GSTM4: variants seen among roughly 807,000 people sequenced by gnomAD.
GSTM4 encodes glutathione S-transferase mu 4.
GSTM4 carries 27 observed loss-of-function variants against 30.1 expected under a neutral mutation model. That is an observed-to-expected ratio of 0.90 (90% CI 0.66 to 1.24). The LOEUF (loss-of-function observed/expected upper bound fraction) is 1.24, where lower values mean the gene tolerates loss of function less well. Among genes scored for constraint, GSTM4 ranks in the 50% most tolerant of loss-of-function variants. The pLI is 0.00. For missense variants in GSTM4, 238 were observed against 272.1 expected (o/e 0.87, Z 0.88); for synonymous variants, 94 against 96.2 (o/e 0.98, Z 0.13).
At chr1:109,663,004 A>G (rs921962887), downstream of GSTM4, among the ~76,000 whole-genome samples, 4 of 152,270 alleles carry the variant, frequency 2.6e-5, no homozygotes, top group African/African-American at 9.6e-5. Context: ...TGGTTTATCA[A>G]CATAATTCCA....
At position 109,656,362 on chromosome 1, in the gene GSTM4, G is replaced by T. The variant is rs1651980070; in HGVS notation, c.-28G>T. On this transcript the variant is annotated 5_prime_UTR_variant, in exon 1 of 8. Transcript: ENST00000369836. ...TCGCAGTTCAGCCCAGCTGAGGCCT[G>T]TCTGCAGAATCGACACCAACCAGCA... 1 of 1,612,986 alleles carries T rather than the reference G, an allele frequency of 6.2e-7. No homozygotes were observed. Among genetic ancestry groups the T allele is most frequent in the South Asian group, 1.1e-5 (1 of 91,070 alleles).
chr1:109,659,262 C>T (rs767344468), intron 7 of GSTM4, 152 bp downstream of exon 7: 162 of 1,603,170 alleles, frequency 1.0e-4, no homozygotes, highest in Non-Finnish European at 1.3e-4. Context: ...TTATACCTAT[C>T]GTGTGGAATT....
downstream of GSTM4, among the ~76,000 whole-genome samples, chr1:109,664,062 A>G (rs979200315): frequency 6.6e-6 from 1 of 152,184 alleles, no homozygotes; most frequent in African/African-American, 2.4e-5. Flanking sequence ...GAATCTGTAC[A>G]TGTTGGCAGT....
chr1:109,664,341 CTTTTTTTTTTTTTTTTTTTTT>C (rs77855995), downstream of GSTM4, among the ~76,000 whole-genome samples: 22 of 35,742 alleles, frequency 6.2e-4, no homozygotes, highest in Admixed American at 1.1e-3. Flanking sequence ...GAGAGAATAG[CTTTTTTTTTTTTTTTTTTTTT>C]TTTTTTTTTT....
intron 5 of GSTM4, 159 bp from the exon 6 acceptor site, chr1:109,658,655 A>G (rs1652148278): frequency 4.6e-6 from 3 of 656,730 alleles, no homozygotes; most frequent in African/African-American, 3.6e-5. Context: ...ACCCATTTGG[A>G]GTGTAATAAA....
chr1:109,666,610 T>C (rs1321749172), downstream of GSTM4, among the ~76,000 whole-genome samples: 1 of 152,256 alleles, frequency 6.6e-6, no homozygotes, highest in African/African-American at 2.4e-5. Flanking sequence ...AGATTGTCTC[T>C]AGGTCCTCCC....
chr1:109,657,385 T>G, intron 3 of GSTM4, 106 bp downstream of exon 3: 2 of 1,476,732 alleles, frequency 1.4e-6, no homozygotes, highest in Non-Finnish European at 1.9e-6. Flanking sequence ...TTCTGCCCAA[T>G]TCCTCTCACT....
At position 109,656,274 on chromosome 1, in the gene GSTM4, G is replaced by A. The variant is rs577126711; in HGVS notation, c.-116G>A. 1.1e-4 allele frequency: 113 copies of A among 1,007,794 alleles called. No homozygotes were observed. In the East Asian group the frequency reaches 1.5e-3, roughly 13 times the overall value. The allele number at this position is 1,007,794 out of a possible 1,614,324, so 62.4% of individuals were successfully genotyped here. ...GACCTTGAAGATCGGCGGGCGCAGC[G>A]GGGCCGAGGGGGCGGGTCTGGCGCT... On this transcript the variant is annotated 5_prime_UTR_variant, in exon 1 of 8. Transcript: ENST00000369836.
chr1:109,657,474 C>A, intron 3 of GSTM4, 116 bp from the exon 4 acceptor site: 1 of 1,502,454 alleles, frequency 6.7e-7, no homozygotes, highest in African/African-American at 1.4e-5. Flanking sequence ...CTATGTCAGG[C>A]CTGCCATGAG....
At chr1:109,663,379 C>T (rs561814469), downstream of GSTM4, among the ~76,000 whole-genome samples, 1 of 152,240 alleles carries the variant, frequency 6.6e-6, no homozygotes, top group South Asian at 2.1e-4. Flanking sequence ...CAATGAAAAG[C>T]ATGCTTGGCC....
At chr1:109,664,821 G>A (rs950085589), downstream of GSTM4, among the ~76,000 whole-genome samples, 1 of 152,088 alleles carries the variant, frequency 6.6e-6, no homozygotes, top group Non-Finnish European at 1.5e-5. Context: ...TATAGTGTGT[G>A]CATGTTTCTG....
chr1:109,660,869 T>C (rs945782541), intron 7 of GSTM4: 15 of 422,360 alleles, frequency 3.6e-5, no homozygotes, highest in African/African-American at 2.4e-4. Flanking sequence ...CCTTGCAGAG[T>C]AGTCGAGTGG....
At position 109,661,687 on chromosome 1, in the gene GSTM4, A is replaced by C; in HGVS notation, c.*433A>C. On this transcript the variant is annotated 3_prime_UTR_variant, in exon 8 of 8. Coordinates refer to ENST00000369836, the MANE Select transcript of GSTM4 (RefSeq NM_000850.5). The stretch of plus-strand genomic sequence containing the variant: ...GCCTTAGGCCTACCTGATCAAAATA[A>C]AGCCTCAGCCACATTTGCTATAGTC... 9.2e-7 allele frequency: 1 copy of C among 1,088,330 alleles called. No individual in the cohort carries two copies. Among genetic ancestry groups the C allele is most frequent in the Non-Finnish European group, 1.1e-6 (1 of 892,518 alleles). 67.4% of individuals were successfully genotyped at this position (1,088,330 alleles called of 1,614,324 possible). A position where few individuals can be genotyped will look rare whatever the true frequency, so the allele number is the denominator to read the frequency against.
At chr1:109,656,947 G>A in intron 2 of GSTM4, 160 bp downstream of exon 2, 1 of 857,326 alleles carries the variant, frequency 1.2e-6, no homozygotes, top group Non-Finnish European at 2.0e-6. Flanking sequence ...GCCTTGCAAG[G>A]CAGAATGCTG....
intron 2 of GSTM4, 30 bp downstream of exon 2, chr1:109,656,817 C>T: frequency 1.2e-6 from 2 of 1,605,956 alleles, no homozygotes; most frequent in Middle Eastern, 1.7e-4. Context: ...CGGGCTCTGC[C>T]CACTCACGCT....
Position 109,657,571 on chromosome 1 carries a change from C to G in GSTM4, c.178-19C>G, listed in dbSNP as rs574299621. On this transcript the variant is annotated intron_variant, in intron 3 of 7. Coordinates refer to ENST00000369836, the MANE Select transcript of GSTM4 (RefSeq NM_000850.5). The stretch of plus-strand genomic sequence containing the variant: ...GCCTGCTGGCCCAACTGAGCTTCCC[C>G]GGTTTCCCATCTATCCAGCTGCCCT... The G allele has an allele frequency of 3.1e-6, 5 of 1,614,226 alleles. No individual in the cohort carries two copies. Among genetic ancestry groups the G allele is most frequent in the East Asian group, 2.2e-5 (1 of 44,884 alleles).
At chr1:109,667,376 C>G (rs989666060), downstream of GSTM4, among the ~76,000 whole-genome samples, 3 of 151,456 alleles carry the variant, frequency 2.0e-5, no homozygotes, top group African/African-American at 7.3e-5. Context: ...AATACAAAGA[C>G]CTCTGATTAC....
Position 109,661,161 on chromosome 1 carries a change from T to G in GSTM4, c.568-4T>G. On this transcript the variant is annotated splice_polypyrimidine_tract_variant and splice_region_variant and intron_variant, in intron 7 of 7. Transcript: ENST00000369836. ...AGTTCTGGCCTTATTTTCCCCCCTCTCAGGGCTTGGAGAAGATCTCTGCCT... is the reference window on the plus strand; with the variant it reads ...AGTTCTGGCCTTATTTTCCCCCCTCGCAGGGCTTGGAGAAGATCTCTGCCT... 6.2e-7 allele frequency: 1 copy of G among 1,612,856 alleles called. No individual in the cohort carries two copies. The highest frequency in any genetic ancestry group is 8.5e-7 in the Non-Finnish European group (1 of 1,179,640).
chr1:109,657,497 G>C (rs1256885047), intron 3 of GSTM4, 93 bp from the exon 4 acceptor site: 1 of 1,570,956 alleles, frequency 6.4e-7, no homozygotes, highest in South Asian at 1.1e-5. Flanking sequence ...GGCACAGTGA[G>C]TGCCTGGTCT....
Sources: allele counts gnomAD v4.1 joint callset (sites outside exome capture counted in the v4.1 genomes callset), GRCh38; gene constraint gnomAD v4.1.1; transcripts MANE v1.5; gene names NCBI Gene and HGNC (gene_info 2026-07-23, HGNC 2026-07-21).